Variants in PLXNA4 observed in about 807,000 individuals in gnomAD.
The protein encoded by PLXNA4 is plexin A4, also known as plexin-A4.
Under a neutral mutation model 191.8 loss-of-function variants are expected in PLXNA4, and 44 were observed. That is an observed-to-expected ratio of 0.23 (90% CI 0.18 to 0.29). The LOEUF (loss-of-function observed/expected upper bound fraction) is 0.29. Among genes scored for constraint, PLXNA4 ranks in the 10% least tolerant of loss-of-function variants. PLXNA4 has a pLI of 1.00. For missense variants in PLXNA4, 1,800 were observed against 2,488.8 expected (o/e 0.72, Z 5.89); for synonymous variants, 1,082 against 1,009.5 (o/e 1.07, Z -1.36).
At chr7:132,185,822 C>T (rs1796861346) in intron 15 of PLXNA4, among the ~76,000 whole-genome samples, 1 of 152,168 alleles carries the variant, frequency 6.6e-6, no homozygotes, top group African/African-American at 2.4e-5. Context: ...TAGCAGGAGT[C>T]CATCTACCTT....
chr7:132,613,085 A>G (rs887000308), intron 2 of PLXNA4, among the ~76,000 whole-genome samples: 3 of 152,180 alleles, frequency 2.0e-5, no homozygotes, highest in African/African-American at 7.2e-5. Flanking sequence ...GTAAACTCGG[A>G]AGACAGAGAG....
intron 9 of PLXNA4, among the ~76,000 whole-genome samples, chr7:132,217,599 A>G (rs1562972745): frequency 6.6e-6 from 1 of 151,706 alleles, no homozygotes; most frequent in Non-Finnish European, 1.5e-5. Context: ...ACCCCAACCA[A>G]CCCTCCAAAT....
chr7:132,522,277 G>A (rs531405069), intron 1 of PLXNA4, among the ~76,000 whole-genome samples: 87 of 152,316 alleles, frequency 5.7e-4, no homozygotes, highest in African/African-American at 2.0e-3. Context: ...TTGGTGGAAT[G>A]CTTTGCCTTC....
chr7:132,226,986 C>T (rs1351233720), intron 7 of PLXNA4, among the ~76,000 whole-genome samples: 2 of 152,336 alleles, frequency 1.3e-5, no homozygotes, highest in East Asian at 3.9e-4. Flanking sequence ...TTTCCCAGGG[C>T]AGCTTGCCCC....
intron 3 of PLXNA4, among the ~76,000 whole-genome samples, chr7:132,326,834 A>C (rs1252180840): frequency 6.7e-6 from 1 of 149,258 alleles, no homozygotes; most frequent in South Asian, 2.1e-4. Flanking sequence ...TGTCTGTTTC[A>C]CTCCCCACAG....
chr7:132,301,307 G>A (rs1467517604), intron 3 of PLXNA4, among the ~76,000 whole-genome samples: 1 of 152,202 alleles, frequency 6.6e-6, no homozygotes, highest in Non-Finnish European at 1.5e-5. Context: ...AGGTAGAATG[G>A]ACCAGCTGCC....
intron 2 of PLXNA4, among the ~76,000 whole-genome samples, chr7:132,616,186 C>T (rs181013947): frequency 2.4e-4 from 37 of 152,286 alleles, no homozygotes; most frequent in South Asian, 6.2e-4. Flanking sequence ...CACACCCACT[C>T]CATGTTCCAT....
At chr7:132,638,495 T>C (rs1803653467) in intron 2 of PLXNA4, among the ~76,000 whole-genome samples, 1 of 151,944 alleles carries the variant, frequency 6.6e-6, no homozygotes, top group South Asian at 2.1e-4. Flanking sequence ...CTACTAAAAA[T>C]ACAAAAATTA....
rs1201952478 is a variant in PLXNA4 at position 132,576,256 on chromosome 7, G to A, written c.-87+166C>T. On this transcript the variant is annotated intron_variant, in intron 1 of 31. Coordinates refer to ENST00000321063, the MANE Select transcript of PLXNA4 (RefSeq NM_020911.2). This position sits in a 1 kb window ranked among gnomAD's most constrained non-coding sequence, Gnocchi z 5.8. ...GTGGGACGTGGGCAGGTGCGCGAGC[G>A]CCGTGTGTGCCGGTGTGGATCTGTG... Among the ~76,000 whole-genome samples the A allele has an allele frequency of 6.6e-6, 1 of 152,176 alleles. No homozygotes were observed. The highest frequency in any genetic ancestry group is 2.4e-5 in the African/African-American group (1 of 41,436).
chr7:132,418,778 A>G (rs1794748981), intron 3 of PLXNA4, among the ~76,000 whole-genome samples: 1 of 152,174 alleles, frequency 6.6e-6, no homozygotes, highest in Non-Finnish European at 1.5e-5. Flanking sequence ...AAGAACAAAG[A>G]GTAAGCAGGA....
At chr7:132,355,475 C>A (rs1290317738) in intron 3 of PLXNA4, among the ~76,000 whole-genome samples, 3 of 152,182 alleles carry the variant, frequency 2.0e-5, no homozygotes, top group Admixed American at 2.0e-4. Context: ...TGGCTGTGAG[C>A]AAAAAGTGCA....
chr7:132,330,228 G>A (rs1802537967), intron 3 of PLXNA4, among the ~76,000 whole-genome samples: 5 of 152,202 alleles, frequency 3.3e-5, no homozygotes, highest in Admixed American at 3.3e-4. Context: ...CAATTTGGCT[G>A]GAGCTGAGTA....
chr7:132,609,891 C>T (rs1169555223), intron 2 of PLXNA4, among the ~76,000 whole-genome samples: 1 of 152,136 alleles, frequency 6.6e-6, no homozygotes, highest in East Asian at 1.9e-4. Flanking sequence ...CTTTTATTTA[C>T]CTTATATGGT....
chr7:132,479,868 G>A (rs146557695), intron 3 of PLXNA4, among the ~76,000 whole-genome samples: 1 of 152,120 alleles, frequency 6.6e-6, no homozygotes, highest in African/African-American at 2.4e-5. Flanking sequence ...ATGTTGCCCA[G>A]GCTGGTCTGA....
At chr7:132,265,797 G>A (rs1799829956) in intron 4 of PLXNA4, among the ~76,000 whole-genome samples, 2 of 152,248 alleles carry the variant, frequency 1.3e-5, no homozygotes, top group Admixed American at 6.5e-5. Context: ...CTAACATTCT[G>A]AGCAGTCATC....
rs150681539 is a variant in PLXNA4, at chr7:132,245,504, A to C, written c.1504-4338T>G. Among the ~76,000 whole-genome samples the C allele has an allele frequency of 1.9e-4, 29 of 152,356 alleles. No individual in the cohort carries two copies. In the East Asian group the frequency reaches 5.6e-3, roughly 29 times the overall value. On this transcript the variant is annotated intron_variant, in intron 4 of 31. Transcript: ENST00000321063. ...TTGGGACATCGTCCTGGCTTTGTGC[A>C]AAAACCTATTAGGCAGTTTAGCAGT...
intron 3 of PLXNA4, among the ~76,000 whole-genome samples, chr7:132,454,126 A>G (rs546447588): frequency 6.6e-5 from 10 of 152,356 alleles, no homozygotes; most frequent in Non-Finnish European, 1.2e-4. Flanking sequence ...AATGCTGTCA[A>G]TGAAAGTAAA....
At chr7:132,212,676 G>A (rs1436572224) in intron 9 of PLXNA4, among the ~76,000 whole-genome samples, 7 of 152,144 alleles carry the variant, frequency 4.6e-5, no homozygotes. Context: ...CAGGGGAAAT[G>A]GAAGCAAGAA....
At chr7:132,367,271 C>T (rs890491606) in intron 3 of PLXNA4, among the ~76,000 whole-genome samples, 4 of 152,176 alleles carry the variant, frequency 2.6e-5, no homozygotes, top group Non-Finnish European at 4.4e-5. Flanking sequence ...ACACAGATCC[C>T]TTGCCTAGAT....
Sources: allele counts gnomAD v4.1 joint callset (sites outside exome capture counted in the v4.1 genomes callset), GRCh38; gene constraint gnomAD v4.1.1; non-coding constraint Gnocchi (gnomAD v3.1); transcripts MANE v1.5; gene names NCBI Gene and HGNC (gene_info 2026-07-23, HGNC 2026-07-21).